The following ELP4 variants were observed in gnomAD, a reference collection of about 807,000 sequenced individuals.
ELP4 encodes the protein elongator complex protein 4.
In ELP4, 51 loss-of-function variants were observed where a neutral mutation model predicts 48.9. The ratio of observed to expected loss-of-function variants is 1.04; its 90% CI spans 0.83 to 1.32. The LOEUF (loss-of-function observed/expected upper bound fraction) is 1.32. ELP4 is among the 40% of genes most tolerant of loss of function. The pLI is 0.00. For missense variants in ELP4, 519 were observed against 514.6 expected, an observed-to-expected ratio of 1.01 and a Z score of -0.08; for synonymous variants, 210 against 189.2, an observed-to-expected ratio of 1.11 and a Z score of -0.90.
intron 3 of ELP4, among the ~76,000 whole-genome samples, chr11:31,572,000 A>G (rs937963914): frequency 2.0e-5 from 3 of 152,184 alleles, no homozygotes; most frequent in African/African-American, 7.2e-5. Flanking sequence ...TACAGTCATC[A>G]ACTGCATTAG....
intron 9 of ELP4, among the ~76,000 whole-genome samples, chr11:31,732,175 A>G (rs1033035995): frequency 6.6e-6 from 1 of 152,230 alleles, no homozygotes; most frequent in Non-Finnish European, 1.5e-5. Context: ...CTGTAATAGT[A>G]GTATATAAAT....
rs1465650157 is a variant in ELP4 at position 31,641,341 on chromosome 11, AT to A, written c.928-6392del. On this transcript the variant is annotated intron_variant, in intron 7 of 9. Coordinates refer to ENST00000640961, the MANE Select transcript of ELP4 (RefSeq NM_019040.5). ...AGATTGTGAAGTCTGTAGCCCAAGA[AT>A]TTTTTTTCTTCAAGAAAGTGTATAT... Among the ~76,000 whole-genome samples the A allele has an allele frequency of 1.3e-5, 2 of 151,628 alleles. 1 individual carries two copies. Among genetic ancestry groups the A allele is most frequent in the South Asian group, 4.2e-4 (2 of 4,806 alleles).
chr11:31,692,621 T>G (rs764319927), intron 9 of ELP4, among the ~76,000 whole-genome samples: 1 of 152,128 alleles, frequency 6.6e-6, no homozygotes, highest in Non-Finnish European at 1.5e-5. Flanking sequence ...AGCTCCCAGT[T>G]CTGTACCTTG....
At chr11:31,781,746 C>A (rs1255024603) in intron 9 of ELP4, among the ~76,000 whole-genome samples, 1 of 152,072 alleles carries the variant, frequency 6.6e-6, no homozygotes, top group African/African-American at 2.4e-5. Context: ...ATCCGCCTGC[C>A]TCAGCTTCCC....
rs1341501658 is a variant in ELP4, at chr11:31,788,541, T to C, written c.*5017T>C. On this transcript the variant is annotated 3_prime_UTR_variant, in exon 10 of 10. Transcript: ENST00000640961. Reference sequence around the variant, plus strand: ...TAAGAAATCTACTTTTGAATATACTTCAGTGAAATCATTGTTGAAATAGGC... The same window carrying C: ...TAAGAAATCTACTTTTGAATATACTCCAGTGAAATCATTGTTGAAATAGGC... The C allele has an allele frequency of 2.2e-5, 5 of 222,320 alleles. No homozygotes were observed. The highest frequency in any genetic ancestry group is 3.6e-5 in the Non-Finnish European group (4 of 111,220). 13.8% of individuals were successfully genotyped at this position (222,320 alleles called of 1,614,324 possible).
intron 5 of ELP4, among the ~76,000 whole-genome samples, chr11:31,610,768 A>G (rs1368551605): frequency 6.6e-6 from 1 of 152,072 alleles, no homozygotes; most frequent in Admixed American, 6.5e-5. Context: ...CTTGTTCCTC[A>G]TTTCATGCAT....
chr11:31,539,897 A>T, intron 3 of ELP4, 114 bp downstream of exon 3: 1 of 762,800 alleles, frequency 1.3e-6, no homozygotes, highest in Non-Finnish European at 1.8e-6. Flanking sequence ...TAAATGCATT[A>T]ACGGAACCAT....
At chr11:31,697,670 C>A (rs1357827529) in intron 9 of ELP4, among the ~76,000 whole-genome samples, 1 of 152,026 alleles carries the variant, frequency 6.6e-6, no homozygotes, top group African/African-American at 2.4e-5. Flanking sequence ...AACATGTATA[C>A]CACGTAGTCA....
intron 1 of ELP4, chr11:31,510,264 T>G: frequency 1.8e-6 from 1 of 560,122 alleles, no homozygotes; most frequent in Non-Finnish European, 3.2e-6. Context: ...TACGGAGGAA[T>G]TCGTACATGC....
intron 4 of ELP4, among the ~76,000 whole-genome samples, chr11:31,601,438 TAAC>T (rs1167369187): frequency 2.6e-5 from 4 of 152,262 alleles, no homozygotes; most frequent in East Asian, 3.9e-4. Context: ...AATAAATTAA[TAAC>T]AATTATAATG....
intron 9 of ELP4, chr11:31,653,275 CTA>C (rs1322772643): frequency 1.3e-5 from 2 of 151,686 alleles, no homozygotes; most frequent in African/African-American, 2.4e-5. Context: ...AAAGTTTGAA[CTA>C]TGATTTCAGG....
At chr11:31,664,931 A>G (rs533041021) in intron 9 of ELP4, among the ~76,000 whole-genome samples, 229 of 152,266 alleles carry the variant, frequency 1.5e-3, no homozygotes, top group African/African-American at 5.2e-3. Flanking sequence ...CTTTTCTGGT[A>G]TTTAAAGTAT....
chr11:31,653,569 A>G (rs1473200149), intron 9 of ELP4: 3 of 151,780 alleles, frequency 2.0e-5, no homozygotes, highest in African/African-American at 7.2e-5. Context: ...TTCAATACAC[A>G]TAAATGGTGT....
At chr11:31,759,904 A>T (rs1947910460) in intron 9 of ELP4, among the ~76,000 whole-genome samples, 1 of 151,752 alleles carries the variant, frequency 6.6e-6, no homozygotes, top group African/African-American at 2.4e-5. Flanking sequence ...ACAGGGTTTC[A>T]CTTGGCCAGG....
At chr11:31,555,723 A>G (rs1956920952) in intron 3 of ELP4, among the ~76,000 whole-genome samples, 1 of 151,956 alleles carries the variant, frequency 6.6e-6, no homozygotes, top group Non-Finnish European at 1.5e-5. Context: ...AGAAGAATAA[A>G]CAAAATATTT....
intron 1 of ELP4, among the ~76,000 whole-genome samples, chr11:31,515,027 G>GTATA (rs1465007823): frequency 7.3e-6 from 1 of 137,222 alleles, no homozygotes; most frequent in African/African-American, 2.8e-5. Flanking sequence ...GTGTGTGTGT[G>GTATA]TGTGTGTATA....
At chr11:31,686,038 A>G (rs1394967388) in intron 9 of ELP4, among the ~76,000 whole-genome samples, 3 of 152,086 alleles carry the variant, frequency 2.0e-5, no homozygotes, top group Non-Finnish European at 4.4e-5. Context: ...AGGGGTTATC[A>G]CACAACTTCT....
At chr11:31,777,971 C>T (rs376362226) in intron 9 of ELP4, among the ~76,000 whole-genome samples, 8 of 152,164 alleles carry the variant, frequency 5.3e-5, no homozygotes, top group African/African-American at 1.9e-4. Flanking sequence ...TATCATCCTG[C>T]AGTGAGTGCA....
chr11:31,578,111 A>T lies in ELP4; in HGVS notation c.382-16659A>T, dbSNP rs1260730977. Among the ~76,000 whole-genome samples, 3 of 152,206 alleles carry T rather than the reference A, an allele frequency of 2.0e-5. No homozygotes were observed. In the East Asian group the frequency reaches 5.8e-4, roughly 29 times the overall value. On this transcript the variant is annotated intron_variant, in intron 3 of 9. Coordinates refer to ENST00000640961, the MANE Select transcript of ELP4 (RefSeq NM_019040.5). ...CTTCAGCAAAGTCTCAGGATACAAA[A>T]TCAATGTGCAAAAATCACAAGCATT...
Sources: gnomAD v4.1 joint callset for allele counts (sites outside exome capture counted in the v4.1 genomes callset) on GRCh38, gnomAD v4.1.1 for gene constraint, MANE v1.5 for transcripts, NCBI Gene and HGNC (gene_info 2026-07-23, HGNC 2026-07-21) for gene names.